The following C8A variants were observed in gnomAD, a reference collection of about 807,000 sequenced individuals.
The protein encoded by C8A is complement C8 alpha chain, also known as complement component C8 alpha chain.
Under a neutral mutation model 65.3 loss-of-function variants are expected in C8A, and 67 were observed. The observed-to-expected ratio is 1.03, with a 90% CI of 0.84 to 1.26. The LOEUF is 1.26. C8A is among the 50% of genes most tolerant of loss of function. The pLI is 0.00. For missense variants in C8A, 781 were observed against 723.9 expected (o/e 1.08, Z -0.90); for synonymous variants, 290 against 259.4 (o/e 1.12, Z -1.13).
intron 7 of C8A, among the ~76,000 whole-genome samples, chr1:56,902,847 G>A (rs1160014438): frequency 6.6e-6 from 1 of 152,096 alleles, no homozygotes; most frequent in Non-Finnish European, 1.5e-5. Context: ...GCTGGATAAT[G>A]TTCATTGAAG....
At chr1:56,907,883 T>G (rs1419971277) in intron 8 of C8A, 73 bp from the exon 9 acceptor site, 7 of 1,514,416 alleles carry the variant, frequency 4.6e-6, no homozygotes, top group Non-Finnish European at 9.2e-7. Context: ...CCAAATCTCA[T>G]TAGTGGGGTT....
At chr1:56,915,077 T>G (rs1215682407) in intron 10 of C8A, among the ~76,000 whole-genome samples, 1 of 152,242 alleles carries the variant, frequency 6.6e-6, no homozygotes, top group Non-Finnish European at 1.5e-5. Context: ...AGGATTAAAC[T>G]AGTTAACACT....
At chr1:56,868,267 A>G (rs761373615) in intron 2 of C8A, among the ~76,000 whole-genome samples, 1 of 151,634 alleles carries the variant, frequency 6.6e-6, no homozygotes, top group Admixed American at 6.6e-5. Flanking sequence ...GGCAGAGGCG[A>G]GTATTAAAAT....
intron 9 of C8A, among the ~76,000 whole-genome samples, chr1:56,911,157 T>C (rs1644502799): frequency 6.6e-6 from 1 of 151,760 alleles, no homozygotes; most frequent in Admixed American, 6.6e-5. Flanking sequence ...GTATCTCACA[T>C]TCAGTACTTC....
intron 9 of C8A, among the ~76,000 whole-genome samples, chr1:56,909,657 G>T (rs1644491512): frequency 6.6e-6 from 1 of 152,208 alleles, no homozygotes; most frequent in South Asian, 2.1e-4. Context: ...TTGGGAAAGA[G>T]CCCAGGCTTT....
At chr1:56,856,356 A>G (rs116278987) in intron 1 of C8A, among the ~76,000 whole-genome samples, 2,037 of 152,254 alleles carry the variant, frequency 0.013, 34 homozygotes, top group Non-Finnish European at 0.018. Flanking sequence ...CAAAAATTAA[A>G]TGCATGAAAG....
At chr1:56,886,404 T>C (rs938123425) in intron 7 of C8A, among the ~76,000 whole-genome samples, 10 of 152,216 alleles carry the variant, frequency 6.6e-5, no homozygotes, top group East Asian at 3.9e-4. Context: ...CCTAAAACTA[T>C]ATGCTTCTTA....
At chr1:56,857,680 A>G (rs547250128) in intron 1 of C8A, among the ~76,000 whole-genome samples, 3 of 151,708 alleles carry the variant, frequency 2.0e-5, no homozygotes, top group African/African-American at 7.3e-5. Flanking sequence ...TTTGTTTTCT[A>G]TGTGTCCCAT....
At chr1:56,890,942 T>C (rs1326033546) in intron 7 of C8A, among the ~76,000 whole-genome samples, 1 of 152,202 alleles carries the variant, frequency 6.6e-6, no homozygotes, top group Non-Finnish European at 1.5e-5. Flanking sequence ...GTTTCTAGAA[T>C]GTTCATTCCA....
chr1:56,887,732 T>C (rs1644311297), intron 7 of C8A, among the ~76,000 whole-genome samples: 1 of 152,062 alleles, frequency 6.6e-6, no homozygotes, highest in South Asian at 2.1e-4. Flanking sequence ...TGTAACCAAA[T>C]CAAATGTCCC....
At chr1:56,867,085 G>A (rs1227722034) in intron 1 of C8A, among the ~76,000 whole-genome samples, 1 of 152,108 alleles carries the variant, frequency 6.6e-6, no homozygotes, top group Non-Finnish European at 1.5e-5. Flanking sequence ...TCCACATAAT[G>A]TCCCAGCATG....
In C8A at chr1:56,854,838, C is replaced by T; in HGVS notation, c.-64C>T. 5 of 1,432,658 alleles carry T rather than the reference C, an allele frequency of 3.5e-6. 1 individual carries two copies. In the South Asian group the frequency reaches 6.0e-5, roughly 17 times the overall value. The allele number at this position is 1,432,658 out of a possible 1,614,324, so 88.7% of individuals were successfully genotyped here. On this transcript the variant is annotated 5_prime_UTR_variant, in exon 1 of 11. Coordinates refer to ENST00000361249, the MANE Select transcript of C8A (RefSeq NM_000562.3). ...TCCCAGCCTGTAGACATCTTTTACT[C>T]CAATTTCCTGAATAGATAGCTTTAT...
At chr1:56,886,257 G>C (rs1176521159) in intron 7 of C8A, 90 bp downstream of exon 7, 7 of 1,495,572 alleles carry the variant, frequency 4.7e-6, no homozygotes, top group Non-Finnish European at 5.5e-6. Context: ...TATGAGCCAT[G>C]GGTGATCTCA....
At chr1:56,884,044 A>G (rs1022783212) in intron 6 of C8A, among the ~76,000 whole-genome samples, 1 of 151,734 alleles carries the variant, frequency 6.6e-6, no homozygotes, top group Non-Finnish European at 1.5e-5. Context: ...TGCTTTTCCA[A>G]AAAGATAGAA....
chr1:56,867,808 T>C lies in C8A; in HGVS notation c.171+106T>C, dbSNP rs529465391. ...CTATGTCTAGGGGCCTGGGGAGAAA[T>C]TGGGTCTAGAAATTGTTGTTTGAAA... On this transcript the variant is annotated intron_variant, in intron 2 of 10. Transcript: ENST00000361249. The C allele has an allele frequency of 7.3e-5, 60 of 821,656 alleles. 1 individual carries two copies. The South Asian group carries it at 8.2e-4, about 11-fold the overall frequency. The allele number at this position is 821,656 out of a possible 1,614,324, so 50.9% of individuals were successfully genotyped here. A position where few individuals can be genotyped will look rare whatever the true frequency, so the allele number is the denominator to read the frequency against.
At chr1:56,873,432 T>C (rs1570321429) in intron 2 of C8A, among the ~76,000 whole-genome samples, 1 of 152,120 alleles carries the variant, frequency 6.6e-6, no homozygotes, top group South Asian at 2.1e-4. Context: ...TCATGGGCAG[T>C]TGGTAAGAAA....
intron 7 of C8A, among the ~76,000 whole-genome samples, chr1:56,888,282 C>G (rs1400363052): frequency 1.3e-5 from 2 of 152,128 alleles, no homozygotes; most frequent in African/African-American, 4.8e-5. Flanking sequence ...CGAGATGAAG[C>G]ATTAATTTAG....
At chr1:56,892,893 A>G (rs1451996248) in intron 7 of C8A, among the ~76,000 whole-genome samples, 1 of 152,128 alleles carries the variant, frequency 6.6e-6, no homozygotes. Flanking sequence ...GGATGCTGTA[A>G]TAGAAATCCT....
rs932718257 is a variant in C8A, at chr1:56,896,871, C to T, written c.1097-9796C>T. Among the ~76,000 whole-genome samples, 4 of 152,250 alleles carry T rather than the reference C, an allele frequency of 2.6e-5. No individual in the cohort carries two copies. In the East Asian group the frequency reaches 5.8e-4, roughly 22 times the overall value. On this transcript the variant is annotated intron_variant, in intron 7 of 10. Transcript: ENST00000361249. ...GGTTCTAACTCTGTGGCAGGTGGCA[C>T]GCTGAGCCCTTTCATACACATCATC...
Sources: allele counts gnomAD v4.1 joint callset (sites outside exome capture counted in the v4.1 genomes callset), GRCh38; gene constraint gnomAD v4.1.1; transcripts MANE v1.5; gene names NCBI Gene and HGNC (gene_info 2026-07-23, HGNC 2026-07-21).